The following LNX2 variants were observed in gnomAD, a reference collection of about 807,000 sequenced individuals.
LNX2 encodes ligand of numb-protein X 2.
Under a neutral mutation model 66.2 loss-of-function variants are expected in LNX2, and 35 were observed. That is an observed-to-expected ratio of 0.53 (90% CI 0.40 to 0.70). The LOEUF (loss-of-function observed/expected upper bound fraction) is 0.70. Among genes scored for constraint, LNX2 ranks in the 30% least tolerant of loss-of-function variants. The pLI is 0.00. For synonymous variants in LNX2, 337 were observed against 315.6 expected (o/e 1.07, Z -0.72); for missense variants, 791 against 850.8 (o/e 0.93, Z 0.87).
chr13:27,554,393 C>T (rs1386653632), intron 7 of LNX2, among the ~76,000 whole-genome samples: 1 of 152,116 alleles, frequency 6.6e-6, no homozygotes, highest in African/African-American at 2.4e-5. Flanking sequence ...TCCCTCTATA[C>T]CCATCATTTC....
intron 1 of LNX2, among the ~76,000 whole-genome samples, chr13:27,582,536 A>G (rs1204821217): frequency 1.3e-5 from 2 of 152,232 alleles, no homozygotes; most frequent in African/African-American, 2.4e-5. Context: ...CATCTTAGAC[A>G]TGCTTCTTTG....
chr13:27,593,563 C>CTTTT (rs35280780), intron 1 of LNX2, among the ~76,000 whole-genome samples: 22 of 115,558 alleles, frequency 1.9e-4, no homozygotes, highest in Middle Eastern at 5.2e-3. Context: ...CTGGCTGAAA[C>CTTTT]TTTTTTTTTT....
At chr13:27,595,837 G>A (rs1342598189) in intron 1 of LNX2, among the ~76,000 whole-genome samples, 3 of 152,020 alleles carry the variant, frequency 2.0e-5, no homozygotes, top group Non-Finnish European at 4.4e-5. Context: ...AATGGTATTT[G>A]TCACTTGTTA....
At chr13:27,603,246 T>C (rs1415488529) in intron 1 of LNX2, among the ~76,000 whole-genome samples, 1 of 152,240 alleles carries the variant, frequency 6.6e-6, no homozygotes. Flanking sequence ...ACACTGTCAA[T>C]GTCTCTCTTT....
At chr13:27,616,449 C>G (rs535572224) in intron 1 of LNX2, among the ~76,000 whole-genome samples, 3 of 152,066 alleles carry the variant, frequency 2.0e-5, no homozygotes, top group African/African-American at 7.2e-5. Context: ...AAGTCATGTC[C>G]GACCTCCACT....
chr13:27,582,940 G>A (rs550913888), intron 1 of LNX2, among the ~76,000 whole-genome samples: 32 of 152,080 alleles, frequency 2.1e-4, no homozygotes, highest in African/African-American at 7.0e-4. Flanking sequence ...GAATTTCAGC[G>A]TATGTATGAT....
At chr13:27,612,351 C>T (rs983595864) in intron 1 of LNX2, among the ~76,000 whole-genome samples, 1 of 152,210 alleles carries the variant, frequency 6.6e-6, no homozygotes, top group African/African-American at 2.4e-5. Flanking sequence ...CTCAAAGTGC[C>T]ATCCACCTCT....
intron 1 of LNX2, among the ~76,000 whole-genome samples, chr13:27,583,730 A>G (rs1173563217): frequency 1.3e-5 from 2 of 152,110 alleles, no homozygotes; most frequent in African/African-American, 4.8e-5. Context: ...ATAAGAAGAG[A>G]CTCTAGAATG....
intron 1 of LNX2, among the ~76,000 whole-genome samples, chr13:27,593,529 C>T (rs1245317723): frequency 6.6e-6 from 1 of 151,008 alleles, no homozygotes; most frequent in African/African-American, 2.4e-5. Flanking sequence ...ATATCACTAA[C>T]GTCTCTCTCC....
At chr13:27,606,711 G>C (rs1955721326) in intron 1 of LNX2, among the ~76,000 whole-genome samples, 1 of 152,164 alleles carries the variant, frequency 6.6e-6, no homozygotes, top group South Asian at 2.1e-4. Context: ...GAACCAGGTA[G>C]CTGGGGTGAA....
rs1031166261 is a variant in LNX2, at chr13:27,613,545, G to A, written c.-101+6830C>T. On this transcript the variant is annotated intron_variant, in intron 1 of 9. Coordinates refer to ENST00000316334, the MANE Select transcript of LNX2 (RefSeq NM_153371.4). ...CCAGCACTCTGGGAGGCCAAGACAC[G>A]CAAATCACCTGAGGTAAGGAGTTCG... Among the ~76,000 whole-genome samples, 10 of 152,288 alleles carry A rather than the reference G, an allele frequency of 6.6e-5. 1 individual carries two copies. In the South Asian group the frequency reaches 1.9e-3, roughly 28 times the overall value.
Position 27,585,601 on chromosome 13 carries a change from C to T in LNX2, c.-100-3798G>A, listed in dbSNP as rs1368214140. ...AACTTTTAACATGTCAGTGCAAGTA[C>T]ATGAGATTAAGGAGAGAAACATCCT... is the stretch of plus-strand genomic sequence containing the variant. On this transcript the variant is annotated intron_variant, in intron 1 of 9. Coordinates refer to ENST00000316334, the MANE Select transcript of LNX2 (RefSeq NM_153371.4). Among the ~76,000 whole-genome samples, 6 of 152,210 alleles carry T rather than the reference C, an allele frequency of 3.9e-5. No homozygotes were observed. In the East Asian group the frequency reaches 1.2e-3, roughly 29 times the overall value.
At chr13:27,588,557 C>T (rs549327804) in intron 1 of LNX2, among the ~76,000 whole-genome samples, 28 of 152,244 alleles carry the variant, frequency 1.8e-4, no homozygotes, top group African/African-American at 5.8e-4. Context: ...TATGTGACAA[C>T]GGAAATTGTA....
chr13:27,590,198 T>C (rs895406343), intron 1 of LNX2, among the ~76,000 whole-genome samples: 9 of 152,278 alleles, frequency 5.9e-5, no homozygotes, highest in African/African-American at 2.2e-4. Context: ...ATTTAGGAGA[T>C]GCTGCTGCAT....
At chr13:27,593,456 T>C (rs1235310073) in intron 1 of LNX2, among the ~76,000 whole-genome samples, 1 of 152,118 alleles carries the variant, frequency 6.6e-6, no homozygotes, top group Non-Finnish European at 1.5e-5. Flanking sequence ...ACTGTGGTTA[T>C]GAATGTCTAA....
intron 1 of LNX2, among the ~76,000 whole-genome samples, chr13:27,615,796 C>T (rs1421328510): frequency 6.6e-6 from 1 of 152,124 alleles, no homozygotes; most frequent in Non-Finnish European, 1.5e-5. Context: ...CCTATAAGAA[C>T]AGGGAACAGT....
intron 1 of LNX2, among the ~76,000 whole-genome samples, chr13:27,617,467 T>C (rs1566136779): frequency 6.6e-6 from 1 of 152,046 alleles, no homozygotes; most frequent in African/African-American, 2.4e-5. Flanking sequence ...TTTAAAGATA[T>C]CGGGTGGCAA....
rs547738062 is a variant in LNX2, at chr13:27,581,801, T to C, written c.-98A>G. 1.0e-5 allele frequency: 10 copies of C among 986,034 alleles called. No homozygotes were observed. In the African/African-American group the frequency reaches 1.6e-4, roughly 16 times the overall value. The allele number at this position is 986,034 out of a possible 1,614,324, so 61.1% of individuals were successfully genotyped here. On this transcript the variant is annotated splice_region_variant and 5_prime_UTR_variant, in exon 2 of 10. Coordinates refer to ENST00000316334, the MANE Select transcript of LNX2 (RefSeq NM_153371.4). The stretch of plus-strand genomic sequence containing the variant: ...TATCTGACTAAAGTCAAGGTGTGTT[T>C]TTCTAGATAAGCAAAACAAACACAT...
Position 27,581,748 on chromosome 13 carries a change from G to T in LNX2, c.-45C>A. On this transcript the variant is annotated 5_prime_UTR_variant, in exon 2 of 10. Transcript: ENST00000316334. ...CTCATGTGTTAGACTTCCACTTCAC[G>T]CTTGGTTTCCTTTAACAGACAGTGA... 1 of 1,510,482 alleles carries T rather than the reference G, an allele frequency of 6.6e-7. No homozygotes were observed. Among genetic ancestry groups the T allele is most frequent in the Non-Finnish European group, 8.9e-7 (1 of 1,122,398 alleles). The allele number at this position is 1,510,482 out of a possible 1,614,324, so 93.6% of individuals were successfully genotyped here. A position where few individuals can be genotyped will look rare whatever the true frequency, so the allele number is the denominator to read the frequency against.
Sources: allele counts gnomAD v4.1 joint callset (sites outside exome capture counted in the v4.1 genomes callset), GRCh38; gene constraint gnomAD v4.1.1; transcripts MANE v1.5; gene names NCBI Gene and HGNC (gene_info 2026-07-23, HGNC 2026-07-21).